Variants in SACS observed in about 807,000 individuals in gnomAD.
SACS encodes the protein sacsin molecular chaperone.
In SACS, 197 loss-of-function variants were observed where a neutral mutation model predicts 348.0. That is an observed-to-expected ratio of 0.57 (90% CI 0.50 to 0.64). SACS has a LOEUF of 0.64. Among genes scored for constraint, SACS ranks in the 30% least tolerant of loss-of-function variants. The pLI is 0.00. For missense variants in SACS, 4,999 were observed against 5,360.8 expected (o/e 0.93, Z 2.11); for synonymous variants, 1,985 against 1,910.6 (o/e 1.04, Z -1.02).
intron 2 of SACS, among the ~76,000 whole-genome samples, chr13:23,400,662 C>G (rs866242419): frequency 2.6e-5 from 4 of 152,138 alleles, no homozygotes; most frequent in Non-Finnish European, 5.9e-5. Flanking sequence ...CCTCGTGATC[C>G]GCCCGCCTCG....
Position 23,365,188 on chromosome 13 carries a change from T to C in SACS, c.435A>G (p.Ser145=), listed in dbSNP as rs1870983913. 1.9e-6 allele frequency: 3 copies of C among 1,612,092 alleles called. No homozygotes were observed. Among genetic ancestry groups the C allele is most frequent in the Non-Finnish European group, 2.5e-6 (3 of 1,178,954 alleles). Residue 145 remains serine, a synonymous_variant, in exon 6 of 10, where the codon TCA becomes TCG. Transcript: ENST00000382292. ...TACCCTGATATGGCGCCATATCTTT[T>C]GACCAAAGAGTCTCTGTTCCGTATT... ...ETQYGTETLW[S]KDMAPYQGPA...
chr13:23,418,198 T>C (rs946340262), intron 1 of SACS, among the ~76,000 whole-genome samples: 2 of 152,100 alleles, frequency 1.3e-5, no homozygotes, highest in Non-Finnish European at 2.9e-5. Context: ...AAAGAACTCT[T>C]GAAAATAAAA....
intron 2 of SACS, among the ~76,000 whole-genome samples, chr13:23,393,813 T>C (rs917813383): frequency 6.6e-6 from 1 of 152,146 alleles, no homozygotes; most frequent in South Asian, 2.1e-4. Context: ...AAGGCTGGAG[T>C]GCAGTGGCAC....
At chr13:23,416,430 A>G (rs933244225) in intron 1 of SACS, among the ~76,000 whole-genome samples, 1 of 152,112 alleles carries the variant, frequency 6.6e-6, no homozygotes, top group African/African-American at 2.4e-5. Flanking sequence ...CACTACTAAA[A>G]TTGGCAAACT....
At chr13:23,414,862 C>T (rs1477339316) in intron 1 of SACS, among the ~76,000 whole-genome samples, 2 of 152,154 alleles carry the variant, frequency 1.3e-5, no homozygotes, top group Non-Finnish European at 2.9e-5. Context: ...CACTGCTTGG[C>T]CAGTCCGATA....
At chr13:23,406,900 C>G (rs1873247781) in intron 2 of SACS, among the ~76,000 whole-genome samples, 1 of 152,058 alleles carries the variant, frequency 6.6e-6, no homozygotes, top group Admixed American at 6.5e-5. Context: ...TACAGCACAC[C>G]CTTGTAGGTT....
intron 9 of SACS, 105 bp downstream of exon 9, chr13:23,353,680 A>AT: frequency 1.5e-6 from 1 of 674,432 alleles, no homozygotes; most frequent in Non-Finnish European, 2.6e-6. Context: ...AGCTTGAGCC[A>AT]TAAGAAATTG....
intron 2 of SACS, 110 bp from the exon 3 acceptor site, chr13:23,375,379 C>T: frequency 8.0e-7 from 1 of 1,249,160 alleles, no homozygotes; most frequent in Non-Finnish European, 1.0e-6. Context: ...GCGGCAGGCG[C>T]CCCTAGCGCC....
At chr13:23,401,454 A>G (rs1566103331) in intron 2 of SACS, among the ~76,000 whole-genome samples, 1 of 152,212 alleles carries the variant, frequency 6.6e-6, no homozygotes, top group Non-Finnish European at 1.5e-5. Flanking sequence ...TATTTCTTAC[A>G]TATATTGATG....
In SACS at chr13:23,411,413, G is replaced by C. The variant is rs1399089891; in HGVS notation, c.-174C>G. 2 of 658,668 alleles carry C rather than the reference G, an allele frequency of 3.0e-6. No individual in the cohort carries two copies. Among genetic ancestry groups the C allele is most frequent in the African/African-American group, 1.8e-5 (1 of 55,382 alleles). 40.8% of individuals were successfully genotyped at this position (658,668 alleles called of 1,614,324 possible). On this transcript the variant is annotated 5_prime_UTR_variant, in exon 2 of 10. Transcript: ENST00000382292. ...GTGTCCATTCATCATCTGATGTCAGGAAACATTGTCGTGTGTTGCATTTGT... is the reference window on the plus strand; with the variant it reads ...GTGTCCATTCATCATCTGATGTCAGCAAACATTGTCGTGTGTTGCATTTGT...
chr13:23,398,878 C>CA (rs1006550157), intron 2 of SACS, among the ~76,000 whole-genome samples: 18 of 149,416 alleles, frequency 1.2e-4, no homozygotes, highest in Admixed American at 2.0e-4. Flanking sequence ...TACTAAAATA[C>CA]AAAAAAAAAT....
At chr13:23,374,906 A>G (rs2137838020) in intron 3 of SACS, among the ~76,000 whole-genome samples, 1 of 151,472 alleles carries the variant, frequency 6.6e-6, no homozygotes, top group East Asian at 2.0e-4. Context: ...GAAAGTGAAG[A>G]TTCAGATGAA....
chr13:23,373,527 C>T (rs1388538450), intron 3 of SACS: 2 of 153,484 alleles, frequency 1.3e-5, no homozygotes, highest in Non-Finnish European at 2.9e-5. Flanking sequence ...CCTATAATCC[C>T]AACACTTTGA....
intron 2 of SACS, among the ~76,000 whole-genome samples, chr13:23,390,520 G>A (rs189942540): frequency 6.6e-6 from 1 of 151,900 alleles, no homozygotes; most frequent in Admixed American, 6.6e-5. Flanking sequence ...ATTAGCTGGG[G>A]GACTAATTTT....
intron 2 of SACS, among the ~76,000 whole-genome samples, chr13:23,394,045 C>T (rs893545566): frequency 6.6e-6 from 1 of 152,208 alleles, no homozygotes; most frequent in African/African-American, 2.4e-5. Context: ...CTGGCATGAG[C>T]CACGGTGCCT....
rs532033051 is a variant in SACS at position 23,355,567 on chromosome 13, T to C, written c.1045A>G (p.Ile349Val). The C allele has an allele frequency of 9.3e-6, 15 of 1,614,168 alleles. No individual in the cohort carries two copies. In the South Asian group the frequency reaches 1.2e-4, roughly 13 times the overall value. Residue 349 changes from isoleucine (I) to valine (V), a missense_variant, in exon 8 of 10, where the codon ATA (isoleucine) becomes GTA (valine). This residue lies in a region of SACS where 3,156 missense variants were observed against 3,380.1 expected (regional missense o/e 0.93). Transcript: ENST00000382292. ...KALKHERPNS[I>V]KILGTAISNY... ...CTTATAGCAGTTCCCAGAATCTTTATAGAATTCGGCCGCTCATGTTTCAGT... is the reference window on the plus strand; with the variant it reads ...CTTATAGCAGTTCCCAGAATCTTTACAGAATTCGGCCGCTCATGTTTCAGT...
chr13:23,341,197 A>G lies in SACS; in HGVS notation c.2679T>C (p.Thr893=). ...MPLQKLCNQI[T]SLLPTHKDAL... is the part of the protein sequence containing the mutation. The stretch of plus-strand genomic sequence containing the variant: ...CATCTTTGTGTGTTGGAAGTAGCGA[A>G]GTTATTTGATTACACAATTTCTGCA... Residue 893 remains threonine, a synonymous_variant, in exon 10 of 10, where the codon ACT becomes ACC. Transcript: ENST00000382292. 1 of 1,613,760 alleles carries G rather than the reference A, an allele frequency of 6.2e-7. No individual in the cohort carries two copies. Among genetic ancestry groups the G allele is most frequent in the Non-Finnish European group, 8.5e-7 (1 of 1,180,032 alleles).
Position 23,365,215 on chromosome 13 carries a change from A to G in SACS, c.408T>C (p.Thr136=), listed in dbSNP as rs750302029. 1.2e-6 allele frequency: 2 copies of G among 1,612,990 alleles called. No individual in the cohort carries two copies. The highest frequency in any genetic ancestry group is 1.7e-6 in the Non-Finnish European group (2 of 1,179,712). The change falls in exon 6 of 10, where the codon ACT becomes ACC. Residue 136 remains threonine (T), a synonymous_variant. Transcript: ENST00000382292. ...ACCAAAGAGTCTCTGTTCCGTATTG[A>G]GTTTCATCATATAAAAATTTAACTT... ...ATEVKFLYDE[T]QYGTETLWSK...
chr13:23,355,725 A>T lies in SACS; in HGVS notation c.887T>A (p.Phe296Tyr). 1 of 1,614,200 alleles carries T rather than the reference A, an allele frequency of 6.2e-7. No individual in the cohort carries two copies. Among genetic ancestry groups the T allele is most frequent in the Non-Finnish European group, 8.5e-7 (1 of 1,180,044 alleles). The change falls in exon 8 of 10, where the codon TTT (phenylalanine) becomes TAT (tyrosine). Residue 296 changes from phenylalanine to tyrosine, a missense_variant. By Grantham distance (22) the Phe-to-Tyr change is conservative. This residue lies in a region of SACS where 3,156 missense variants were observed against 3,380.1 expected (regional missense o/e 0.93). Coordinates refer to ENST00000382292, the MANE Select transcript of SACS (RefSeq NM_014363.6). ...GTCTGCATCTGCCCTAAAAGACTCA[A>T]ACAACTCAAGAACCTTCTGCTTATT... is the stretch of plus-strand genomic sequence containing the variant. ...LYNKQKVLEL[F>Y]ESFRADADTV...
Sources: allele counts gnomAD v4.1 joint callset (sites outside exome capture counted in the v4.1 genomes callset), GRCh38; gene constraint gnomAD v4.1.1; regional missense constraint gnomAD v4.1.1; transcripts MANE v1.5; gene names NCBI Gene and HGNC (gene_info 2026-07-23, HGNC 2026-07-21).